FSTL5: variants seen among roughly 807,000 people sequenced by gnomAD.
FSTL5 encodes follistatin like 5.
A neutral mutation model predicts 89.1 loss-of-function variants in FSTL5; 62 were observed. The observed-to-expected ratio is 0.70, with a 90% CI of 0.57 to 0.86. The LOEUF (loss-of-function observed/expected upper bound fraction) is 0.86. Among genes scored for constraint, FSTL5 ranks in the 40% least tolerant of loss-of-function variants. The pLI is 0.00. For missense variants in FSTL5, 1,057 were observed against 1,001.6 expected (o/e 1.06, Z -0.75); for synonymous variants, 383 against 346.2 (o/e 1.11, Z -1.18).
At chr4:161,717,466 C>T (rs187026425) in intron 6 of FSTL5, among the ~76,000 whole-genome samples, 2 of 152,170 alleles carry the variant, frequency 1.3e-5, no homozygotes, top group East Asian at 3.9e-4. Flanking sequence ...AAATCAACTG[C>T]CATAACATTA....
chr4:162,097,994 T>C (rs1730832941), intron 2 of FSTL5, among the ~76,000 whole-genome samples: 1 of 151,884 alleles, frequency 6.6e-6, no homozygotes, highest in Non-Finnish European at 1.5e-5. Flanking sequence ...ACAAAAATAT[T>C]GCATAAGGAT....
rs1430891020 is a variant in FSTL5, at chr4:161,715,353, T to C, written c.727+44058A>G. Among the ~76,000 whole-genome samples, 8 of 152,178 alleles carry C rather than the reference T, an allele frequency of 5.3e-5. No homozygotes were observed. The East Asian group carries it at 1.5e-3, about 29-fold the overall frequency. On this transcript the variant is annotated intron_variant, in intron 6 of 15. Coordinates refer to ENST00000306100, the MANE Select transcript of FSTL5 (RefSeq NM_020116.5). ...AGCAGATTTGTCTACTGCCCAAATG[T>C]TTGATAATAGTGGATCGTTCTGTCT...
chr4:161,929,039 G>T (rs1458339081), intron 3 of FSTL5, among the ~76,000 whole-genome samples: 1 of 151,562 alleles, frequency 6.6e-6, no homozygotes, highest in Non-Finnish European at 1.5e-5. Context: ...ATTTAAATTT[G>T]TGATTCAAGC....
chr4:161,420,172 A>T (rs1731931880), intron 15 of FSTL5, among the ~76,000 whole-genome samples: 1 of 152,154 alleles, frequency 6.6e-6, no homozygotes, highest in Non-Finnish European at 1.5e-5. Flanking sequence ...AATGATATAG[A>T]CTCTCCAGGA....
rs1208790452 is a variant in FSTL5 at position 161,456,412 on chromosome 4, A to T, written c.1717-1284T>A. Among the ~76,000 whole-genome samples the T allele has an allele frequency of 2.0e-5, 3 of 152,208 alleles. No individual in the cohort carries two copies. The East Asian group carries it at 5.8e-4, about 29-fold the overall frequency. On this transcript the variant is annotated intron_variant, in intron 14 of 15. Coordinates refer to ENST00000306100, the MANE Select transcript of FSTL5 (RefSeq NM_020116.5). Reference sequence around the variant, plus strand: ...TCTATTAATTATAAATATCTCAGAAAATACATATTTTGCTTTCGTATTTGA... The same window carrying T: ...TCTATTAATTATAAATATCTCAGAATATACATATTTTGCTTTCGTATTTGA...
At chr4:162,095,322 A>T (rs564526873) in intron 2 of FSTL5, among the ~76,000 whole-genome samples, 4 of 152,240 alleles carry the variant, frequency 2.6e-5, no homozygotes, top group African/African-American at 9.6e-5. Context: ...TAGTCCATTT[A>T]GTTGGGAAAT....
At chr4:162,036,100 C>T (rs1368410649) in intron 2 of FSTL5, among the ~76,000 whole-genome samples, 2 of 152,096 alleles carry the variant, frequency 1.3e-5, no homozygotes. Context: ...ATAGCTCATT[C>T]TTTTAGCAAT....
Position 161,530,458 on chromosome 4 carries a change from T to G in FSTL5, c.1312+7708A>C, listed in dbSNP as rs941291184. Among the ~76,000 whole-genome samples the G allele has an allele frequency of 1.4e-4, 20 of 147,130 alleles. 3 individuals are homozygous for G. Among genetic ancestry groups the G allele is most frequent in the African/African-American group, 4.9e-4 (20 of 40,788 alleles). On this transcript the variant is annotated intron_variant, in intron 10 of 15. Coordinates refer to ENST00000306100, the MANE Select transcript of FSTL5 (RefSeq NM_020116.5). Reference sequence around the variant, plus strand: ...ACTTTAGCCATTTGAAATGTGTTTTTTAAAAAATCTTCAAGTTGTTTTATT... The same window carrying G: ...ACTTTAGCCATTTGAAATGTGTTTTGTAAAAAATCTTCAAGTTGTTTTATT...
intron 12 of FSTL5, among the ~76,000 whole-genome samples, chr4:161,499,172 A>G (rs989341782): frequency 2.0e-5 from 3 of 152,174 alleles, no homozygotes; most frequent in African/African-American, 7.2e-5. Flanking sequence ...ATTGCACTCC[A>G]GTCTGGGTGA....
At chr4:161,910,213 C>T (rs1733650867) in intron 4 of FSTL5, among the ~76,000 whole-genome samples, 1 of 152,104 alleles carries the variant, frequency 6.6e-6, no homozygotes, top group African/African-American at 2.4e-5. Context: ...GTCTCCTGTG[C>T]TTGCTTCTGC....
At chr4:161,731,119 G>A (rs1315442926) in intron 6 of FSTL5, among the ~76,000 whole-genome samples, 1 of 152,114 alleles carries the variant, frequency 6.6e-6, no homozygotes, top group Non-Finnish European at 1.5e-5. Flanking sequence ...AGTTGCAAAA[G>A]TGATGTAGGC....
intron 1 of FSTL5, among the ~76,000 whole-genome samples, chr4:162,119,221 T>C (rs1246655462): frequency 7.0e-6 from 1 of 141,898 alleles, no homozygotes; most frequent in Non-Finnish European, 1.6e-5. Flanking sequence ...AGTGAGATCC[T>C]ATCTCTCTTA....
At chr4:161,962,908 C>T (rs1023684698) in intron 3 of FSTL5, among the ~76,000 whole-genome samples, 4 of 151,908 alleles carry the variant, frequency 2.6e-5, no homozygotes, top group African/African-American at 7.2e-5. Context: ...ATTTCATATG[C>T]TAGATTCATG....
At chr4:162,013,612 T>G (rs192251191) in intron 3 of FSTL5, among the ~76,000 whole-genome samples, 158 of 152,308 alleles carry the variant, frequency 1.0e-3, no homozygotes, top group Non-Finnish European at 2.0e-3. Flanking sequence ...GTTCTAAGAT[T>G]ATTCTTCTCT....
intron 15 of FSTL5, among the ~76,000 whole-genome samples, chr4:161,426,015 A>G (rs1429992469): frequency 6.6e-6 from 1 of 152,090 alleles, no homozygotes; most frequent in African/African-American, 2.4e-5. Context: ...TTTAAACTTT[A>G]AAAAGGGTTG....
chr4:161,682,896 A>G (rs4358351), intron 6 of FSTL5, among the ~76,000 whole-genome samples: 81,420 of 151,528 alleles, frequency 0.54, 25,411 homozygotes, highest in East Asian at 0.71. Flanking sequence ...ACAGGCATGC[A>G]CCACCACACC....
chr4:162,099,983 T>C (rs1362127008), intron 2 of FSTL5, among the ~76,000 whole-genome samples: 1 of 152,186 alleles, frequency 6.6e-6, no homozygotes, highest in African/African-American at 2.4e-5. Context: ...TGAAAAATTA[T>C]ACAGCCACTG....
intron 6 of FSTL5, among the ~76,000 whole-genome samples, chr4:161,703,898 A>G (rs1443646638): frequency 6.6e-6 from 1 of 152,158 alleles, no homozygotes; most frequent in Non-Finnish European, 1.5e-5. Flanking sequence ...TACGTTAAAA[A>G]CACAAATAAA....
intron 3 of FSTL5, among the ~76,000 whole-genome samples, chr4:161,973,760 C>A (rs1187194015): frequency 6.6e-6 from 1 of 152,080 alleles, no homozygotes; most frequent in African/African-American, 2.4e-5. Flanking sequence ...TGTAATAAGA[C>A]CCAGCTTCTA....
Sources: allele counts gnomAD v4.1 joint callset (sites outside exome capture counted in the v4.1 genomes callset), GRCh38; gene constraint gnomAD v4.1.1; transcripts MANE v1.5; gene names NCBI Gene and HGNC (gene_info 2026-07-23, HGNC 2026-07-21).